The following WWOX variants were observed in gnomAD, a reference collection of about 807,000 sequenced individuals.
WWOX encodes WW domain-containing oxidoreductase.
A neutral mutation model predicts 46.2 loss-of-function variants in WWOX; 69 were observed. The ratio of observed to expected loss-of-function variants is 1.49; its 90% CI spans 1.23 to 1.82. WWOX has a LOEUF of 1.82. Among genes scored for constraint, WWOX ranks in the 40% most tolerant of loss-of-function variants. The pLI is 0.00. For synonymous variants in WWOX, 359 were observed against 202.6 expected, an observed-to-expected ratio of 1.77 and a Z score of -6.56; for missense variants, 919 against 542.6, an observed-to-expected ratio of 1.69 and a Z score of -6.89.
chr16:78,548,045 C>T (rs908244736), intron 8 of WWOX, among the ~76,000 whole-genome samples: 1 of 150,898 alleles, frequency 6.6e-6, no homozygotes, highest in Non-Finnish European at 1.5e-5. Flanking sequence ...ATCTCAGGTA[C>T]TCCAGAGGCT....
chr16:79,177,205 C>G (rs973072918), intron 8 of WWOX, among the ~76,000 whole-genome samples: 2 of 152,132 alleles, frequency 1.3e-5, no homozygotes, highest in African/African-American at 4.8e-5. Flanking sequence ...AGAGACGTGG[C>G]AACTGACACA....
chr16:78,824,579 A>C (rs191048075), intron 8 of WWOX, among the ~76,000 whole-genome samples: 93 of 152,234 alleles, frequency 6.1e-4, no homozygotes, highest in African/African-American at 2.2e-3. Flanking sequence ...ACAGTTCCGC[A>C]CGGCTGGGGA....
chr16:79,180,290 G>A (rs777532082), intron 8 of WWOX, among the ~76,000 whole-genome samples: 1 of 152,178 alleles, frequency 6.6e-6, no homozygotes, highest in African/African-American at 2.4e-5. Flanking sequence ...TTGCTTAAGT[G>A]TGCACAAGGT....
intron 6 of WWOX, among the ~76,000 whole-genome samples, chr16:78,398,324 C>A (rs931166119): frequency 1.8e-4 from 27 of 152,302 alleles, no homozygotes; most frequent in African/African-American, 3.6e-4. Flanking sequence ...TGCTCCGCTG[C>A]TTATGTTCTG....
At chr16:78,323,227 C>T (rs542745170) in intron 5 of WWOX, among the ~76,000 whole-genome samples, 1 of 152,088 alleles carries the variant, frequency 6.6e-6, no homozygotes, top group Non-Finnish European at 1.5e-5. Flanking sequence ...CTGCCTCAGC[C>T]TCCTGAGTAG....
At chr16:78,331,725 C>G (rs974798706) in intron 5 of WWOX, among the ~76,000 whole-genome samples, 1 of 152,136 alleles carries the variant, frequency 6.6e-6, no homozygotes, top group African/African-American at 2.4e-5. Flanking sequence ...TCTTAAATGC[C>G]TCTAGCTGTG....
chr16:78,990,258 C>G (rs1432978457), intron 8 of WWOX, among the ~76,000 whole-genome samples: 3 of 152,034 alleles, frequency 2.0e-5, no homozygotes, highest in South Asian at 2.1e-4. Context: ...CTCCATTCCC[C>G]CCATGCTTTG....
intron 5 of WWOX, chr16:78,167,275 A>G (rs1208912784): frequency 6.6e-6 from 1 of 152,294 alleles, no homozygotes; most frequent in African/African-American, 2.4e-5. Context: ...CTCTGGATCT[A>G]TTTGGAGCCT....
chr16:78,125,418 T>C (rs2033319632), intron 4 of WWOX, among the ~76,000 whole-genome samples: 1 of 152,138 alleles, frequency 6.6e-6, no homozygotes, highest in Non-Finnish European at 1.5e-5. Flanking sequence ...AAGCAGCTCA[T>C]TCATTTTGTT....
At position 78,469,910 on chromosome 16, in the gene WWOX, G is replaced by A. The variant is rs74029630; in HGVS notation, c.1056+37158G>A. Reference sequence around the variant, plus strand: ...TGGGATTAGATAGAGCCAATAAGATGTAACTGAAATTCTCAGGGATTCTAA... The same window carrying A: ...TGGGATTAGATAGAGCCAATAAGATATAACTGAAATTCTCAGGGATTCTAA... On this transcript the variant is annotated intron_variant, in intron 8 of 8. Coordinates refer to ENST00000566780, the MANE Select transcript of WWOX (RefSeq NM_016373.4). 4.5e-3 allele frequency among the ~76,000 whole-genome samples: 691 copies of A among 152,364 alleles called. 5 individuals are homozygous for A. Among genetic ancestry groups the A allele is most frequent in the African/African-American group, 0.016 (659 of 41,586 alleles).
At chr16:78,387,323 T>C (rs532958416) in intron 6 of WWOX, among the ~76,000 whole-genome samples, 19 of 152,322 alleles carry the variant, frequency 1.2e-4, no homozygotes, top group African/African-American at 4.6e-4. Context: ...AACTCAGTTA[T>C]CCAGTATGGC....
At chr16:78,845,302 G>T (rs1397610346) in intron 8 of WWOX, among the ~76,000 whole-genome samples, 4 of 151,976 alleles carry the variant, frequency 2.6e-5, no homozygotes, top group Non-Finnish European at 2.9e-5. Context: ...CATGGGTGAA[G>T]ACCAACAAGG....
At chr16:78,434,456 A>G (rs545514375) in intron 8 of WWOX, among the ~76,000 whole-genome samples, 26 of 152,302 alleles carry the variant, frequency 1.7e-4, no homozygotes, top group African/African-American at 5.1e-4. Context: ...TTTACATGAA[A>G]AGAAGGAATA....
chr16:78,933,467 A>C (rs2151284083), intron 8 of WWOX, among the ~76,000 whole-genome samples: 1 of 152,284 alleles, frequency 6.6e-6, no homozygotes. Context: ...AAAAGTCAAG[A>C]TGTTGACATA....
intron 8 of WWOX, among the ~76,000 whole-genome samples, chr16:78,445,642 G>T (rs1369197206): frequency 6.6e-6 from 1 of 152,192 alleles, no homozygotes; most frequent in Non-Finnish European, 1.5e-5. Flanking sequence ...TTTACAGGCT[G>T]AGGTGGGCTG....
chr16:78,911,915 A>C (rs2045122205), intron 8 of WWOX, among the ~76,000 whole-genome samples: 1 of 152,068 alleles, frequency 6.6e-6, no homozygotes, highest in Non-Finnish European at 1.5e-5. Flanking sequence ...TCTCAAGCTT[A>C]GTGTGTGCAA....
chr16:78,984,958 A>G (rs1395716973), intron 8 of WWOX, among the ~76,000 whole-genome samples: 1 of 152,050 alleles, frequency 6.6e-6, no homozygotes, highest in African/African-American at 2.4e-5. Flanking sequence ...CCATGTTAAG[A>G]GGATATGGAC....
At chr16:79,082,919 G>C (rs573863670) in intron 8 of WWOX, among the ~76,000 whole-genome samples, 1 of 152,114 alleles carries the variant, frequency 6.6e-6, no homozygotes, top group African/African-American at 2.4e-5. Context: ...CTCGGTTTTG[G>C]GAGGCCGGGG....
intron 8 of WWOX, among the ~76,000 whole-genome samples, chr16:78,930,513 A>G (rs1426351585): frequency 1.5e-5 from 2 of 135,600 alleles, no homozygotes; most frequent in African/African-American, 2.8e-5. Flanking sequence ...CTGGTCTTGA[A>G]CTCCTAGCCT....
Sources: allele counts gnomAD v4.1 joint callset (sites outside exome capture counted in the v4.1 genomes callset), GRCh38; gene constraint gnomAD v4.1.1; transcripts MANE v1.5; gene names NCBI Gene and HGNC (gene_info 2026-07-23, HGNC 2026-07-21).